GALNTL6: variants seen among roughly 807,000 people sequenced by gnomAD.
GALNTL6 encodes polypeptide N-acetylgalactosaminyltransferase like 6.
Under a neutral mutation model 73.7 loss-of-function variants are expected in GALNTL6, and 46 were observed. The observed-to-expected ratio is 0.62, with a 90% CI of 0.49 to 0.80. The LOEUF (loss-of-function observed/expected upper bound fraction) is 0.80, where lower values mean the gene tolerates loss of function less well. Ranked by LOEUF, GALNTL6 falls within the 30% of genes least tolerant of loss-of-function variation. The pLI is 0.00. For synonymous variants in GALNTL6, 259 were observed against 263.7 expected (o/e 0.98, Z 0.17); for missense variants, 604 against 755.0 (o/e 0.80, Z 2.34).
chr4:172,646,961 CT>C (rs1431043812), intron 5 of GALNTL6, among the ~76,000 whole-genome samples: 1 of 151,954 alleles, frequency 6.6e-6, no homozygotes, highest in East Asian at 1.9e-4. Context: ...TAATTTGTCC[CT>C]TTGGAAGTAA....
At chr4:172,969,778 A>G (rs1750488498) in intron 10 of GALNTL6, among the ~76,000 whole-genome samples, 2 of 152,202 alleles carry the variant, frequency 1.3e-5, no homozygotes, top group Non-Finnish European at 2.9e-5. Flanking sequence ...CAATGCAACA[A>G]TGTTGAACAG....
intron 7 of GALNTL6, among the ~76,000 whole-genome samples, chr4:172,874,172 A>G (rs1432958266): frequency 6.6e-6 from 1 of 152,222 alleles, no homozygotes; most frequent in African/African-American, 2.4e-5. Flanking sequence ...TTCAGCTTTT[A>G]ACAGTCTCCA....
chr4:172,225,695 G>T (rs985417020), intron 2 of GALNTL6, among the ~76,000 whole-genome samples: 1 of 152,060 alleles, frequency 6.6e-6, no homozygotes, highest in Admixed American at 6.5e-5. Context: ...GGCAGAGGTT[G>T]CAGTGAGCCA....
intron 2 of GALNTL6, among the ~76,000 whole-genome samples, chr4:171,909,124 C>A (rs1409021529): frequency 1.5e-5 from 2 of 137,806 alleles, no homozygotes; most frequent in Non-Finnish European, 1.5e-5. Context: ...TGCACATGTA[C>A]CCTAAAACTT....
intron 9 of GALNTL6, among the ~76,000 whole-genome samples, chr4:172,944,382 T>C (rs899061822): frequency 3.9e-5 from 6 of 152,188 alleles, no homozygotes; most frequent in Middle Eastern, 3.2e-3. Flanking sequence ...TTAACATCAT[T>C]AGTCATTAGG....
intron 2 of GALNTL6, among the ~76,000 whole-genome samples, chr4:171,991,836 A>G (rs1345233611): frequency 1.3e-5 from 2 of 150,500 alleles, no homozygotes; most frequent in Non-Finnish European, 3.0e-5. Flanking sequence ...ATTTTTAGTG[A>G]ATATTTGAGG....
chr4:173,005,437 T>G (rs1024557705), intron 10 of GALNTL6, among the ~76,000 whole-genome samples: 6 of 152,170 alleles, frequency 3.9e-5, no homozygotes, highest in Non-Finnish European at 8.8e-5. Context: ...TGGGCCCATG[T>G]GTATGTGTGT....
chr4:172,428,782 T>C (rs1731320691), intron 5 of GALNTL6, among the ~76,000 whole-genome samples: 1 of 152,194 alleles, frequency 6.6e-6, no homozygotes, highest in African/African-American at 2.4e-5. Flanking sequence ...CAAAGTATTC[T>C]GCCATCAATG....
At chr4:172,248,957 A>T (rs1341480690) in intron 3 of GALNTL6, among the ~76,000 whole-genome samples, 3 of 152,166 alleles carry the variant, frequency 2.0e-5, no homozygotes, top group Admixed American at 2.0e-4. Context: ...TAGCAACATG[A>T]GAACAAACTA....
At chr4:172,277,055 CTGTTTT>C (rs1738858067) in intron 3 of GALNTL6, among the ~76,000 whole-genome samples, 1 of 152,040 alleles carries the variant, frequency 6.6e-6, no homozygotes, top group African/African-American at 2.4e-5. Context: ...CTCTGAATCT[CTGTTTT>C]TGACACCTCT....
intron 7 of GALNTL6, among the ~76,000 whole-genome samples, chr4:172,859,764 TC>T (rs1463068433): frequency 1.3e-5 from 2 of 152,276 alleles, no homozygotes; most frequent in East Asian, 3.9e-4. Flanking sequence ...GAGCTCCATC[TC>T]CTGTCAGATC....
chr4:172,112,930 C>T (rs1229387190), intron 2 of GALNTL6, among the ~76,000 whole-genome samples: 1 of 151,844 alleles, frequency 6.6e-6, no homozygotes, highest in Non-Finnish European at 1.5e-5. Context: ...TGATCTTGGA[C>T]TACCCAGCCT....
In GALNTL6 at chr4:172,075,328, T is replaced by TTTTG. The variant is rs543149773; in HGVS notation, c.139-154308_139-154305dup. Among the ~76,000 whole-genome samples, 229 of 152,152 alleles carry TTTTG rather than the reference T, an allele frequency of 1.5e-3. 2 individuals carry two copies. Among genetic ancestry groups the TTTTG allele is most frequent in the Middle Eastern group, 3.4e-3 (1 of 294 alleles). On this transcript the variant is annotated intron_variant, in intron 2 of 12. Coordinates refer to ENST00000506823, the MANE Select transcript of GALNTL6 (RefSeq NM_001034845.3). ...ACATTTTCAAGCCCAACAGGTATCTTTTTGTTTGTTTGTTTGTTTGTTTTG... is the reference window on the plus strand; with the variant it reads ...ACATTTTCAAGCCCAACAGGTATCTTTTTGTTTGTTTGTTTGTTTGTTTGTTTTG...
chr4:172,269,755 T>G (rs1194355920), intron 3 of GALNTL6, among the ~76,000 whole-genome samples: 1 of 151,858 alleles, frequency 6.6e-6, no homozygotes, highest in African/African-American at 2.4e-5. Context: ...ATTTTTTTAT[T>G]TTTTTTTATT....
intron 2 of GALNTL6, among the ~76,000 whole-genome samples, chr4:171,986,052 A>AAG (rs1553980585): frequency 2.0e-5 from 3 of 151,146 alleles, no homozygotes; most frequent in Admixed American, 6.6e-5. Context: ...AAAAAAAAAA[A>AAG]AAAAACACTT....
chr4:172,958,874 G>A (rs1439067427), intron 10 of GALNTL6, among the ~76,000 whole-genome samples: 2 of 152,154 alleles, frequency 1.3e-5, no homozygotes, highest in African/African-American at 4.8e-5. Context: ...AGAATAATGG[G>A]TTTGTGGAGG....
At chr4:172,014,181 TG>T (rs1360812080) in intron 2 of GALNTL6, among the ~76,000 whole-genome samples, 1 of 152,072 alleles carries the variant, frequency 6.6e-6, no homozygotes, top group East Asian at 1.9e-4. Flanking sequence ...GGAATAAACA[TG>T]GGAGTGCAGA....
At chr4:172,063,590 TAA>T (rs893778625) in intron 2 of GALNTL6, among the ~76,000 whole-genome samples, 2 of 152,162 alleles carry the variant, frequency 1.3e-5, no homozygotes, top group African/African-American at 4.8e-5. Flanking sequence ...GCTTTTTTAT[TAA>T]AGACAATTGT....
chr4:172,544,165 T>C (rs1254937693), intron 5 of GALNTL6, among the ~76,000 whole-genome samples: 1 of 152,092 alleles, frequency 6.6e-6, no homozygotes, highest in Non-Finnish European at 1.5e-5. Context: ...CTGGTATAGG[T>C]TTTTTTCCTC....
Sources: gnomAD v4.1 joint callset for allele counts (sites outside exome capture counted in the v4.1 genomes callset) on GRCh38, gnomAD v4.1.1 for gene constraint, MANE v1.5 for transcripts, NCBI Gene and HGNC (gene_info 2026-07-23, HGNC 2026-07-21) for gene names.